Variants in SEMA4D observed in about 807,000 individuals in gnomAD.
SEMA4D encodes the protein semaphorin 4D, also known as semaphorin-4D.
In SEMA4D, 22 loss-of-function variants were observed where a neutral mutation model predicts 74.8. The observed-to-expected ratio is 0.29, with a 90% confidence interval of 0.21 to 0.42. The LOEUF (loss-of-function observed/expected upper bound fraction) is 0.42. Among genes scored for constraint, SEMA4D ranks in the 10% least tolerant of loss-of-function variants. The pLI is 1.00. For missense variants in SEMA4D, 937 were observed against 1,118.4 expected (o/e 0.84, Z 2.31); for synonymous variants, 445 against 463.7 (o/e 0.96, Z 0.52).
At chr9:89,380,214 G>A (rs953180761) in intron 15 of SEMA4D, among the ~76,000 whole-genome samples, 4 of 151,942 alleles carry the variant, frequency 2.6e-5, no homozygotes, top group East Asian at 1.9e-4. Flanking sequence ...TGTATTTTTT[G>A]TAGAGACAGG....
chr9:89,450,363 A>G, intron 2 of SEMA4D: 2 of 1,000,346 alleles, frequency 2.0e-6, no homozygotes, highest in Non-Finnish European at 3.2e-6. Flanking sequence ...CTTCAGTGAC[A>G]TGAAAAGGCG....
At chr9:89,411,508 G>A (rs1398939638) in intron 2 of SEMA4D, among the ~76,000 whole-genome samples, 2 of 152,230 alleles carry the variant, frequency 1.3e-5, no homozygotes, top group African/African-American at 4.8e-5. Flanking sequence ...TACCAAAATA[G>A]TGAAAATAGT....
chr9:89,442,733 C>T (rs1219807293), intron 2 of SEMA4D, among the ~76,000 whole-genome samples: 2 of 152,194 alleles, frequency 1.3e-5, no homozygotes, highest in Non-Finnish European at 2.9e-5. Context: ...GGGTTCATAA[C>T]TGCATCCGTC....
At chr9:89,399,381 G>C (rs746821525) in intron 4 of SEMA4D, 43 bp from the exon 5 acceptor site, 1 of 1,404,126 alleles carries the variant, frequency 7.1e-7, no homozygotes, top group Non-Finnish European at 1.0e-6. Context: ...CTTTTAAAGA[G>C]ATACTAGTAT....
At chr9:89,417,495 T>C (rs961771452) in intron 2 of SEMA4D, among the ~76,000 whole-genome samples, 7 of 152,214 alleles carry the variant, frequency 4.6e-5, no homozygotes, top group Admixed American at 3.9e-4. Context: ...TCATGATACT[T>C]GAGTAATATG....
intron 2 of SEMA4D, among the ~76,000 whole-genome samples, chr9:89,426,171 C>T (rs1423029810): frequency 2.0e-5 from 3 of 152,226 alleles, no homozygotes; most frequent in Non-Finnish European, 2.9e-5. Context: ...CAGACTCAGC[C>T]CAGCTGCAAA....
chr9:89,362,207 C>G, exon 19 of SEMA4D: 1 of 827,930 alleles, frequency 1.2e-6, no homozygotes, highest in East Asian at 2.5e-5. Context: ...CTGTCACAGG[C>G]CCACTTGGGT....
At chr9:89,413,586 C>T (rs867443880) in intron 2 of SEMA4D, among the ~76,000 whole-genome samples, 2 of 152,192 alleles carry the variant, frequency 1.3e-5, no homozygotes, top group East Asian at 1.9e-4. Context: ...GTGTTGTGTA[C>T]ATGTGTATGT....
At position 89,363,893 on chromosome 9, in the gene SEMA4D, AC is replaced by A. The variant is rs747324074; in HGVS notation, c.1939del (p.Val647SerfsTer48). On this transcript the variant is annotated frameshift_variant, in exon 17 of 19. Coordinates refer to the SEMA4D transcript ENST00000339861. LOFTEE classifies it high-confidence loss of function. ...GGGCAGTGCATGGGTCTGCACAGGGACACAGGTCTCCAGAGCTCGCCCATTC... is the reference window on the plus strand; with the variant it reads ...GGGCAGTGCATGGGTCTGCACAGGGAACAGGTCTCCAGAGCTCGCCCATTC... 1 of 1,614,090 alleles carries A rather than the reference AC, an allele frequency of 6.2e-7. No individual in the cohort carries two copies. Among genetic ancestry groups the A allele is most frequent in the East Asian group, 2.2e-5 (1 of 44,880 alleles).
intron 1 of SEMA4D, among the ~76,000 whole-genome samples, chr9:89,468,786 C>T (rs909016350): frequency 1.3e-5 from 2 of 152,076 alleles, no homozygotes; most frequent in African/African-American, 4.8e-5. Context: ...TGCTCGGGGG[C>T]AGCAATCTGA....
downstream of SEMA4D, among the ~76,000 whole-genome samples, chr9:89,375,748 T>C (rs1835701957): frequency 1.3e-5 from 2 of 152,236 alleles, no homozygotes; most frequent in African/African-American, 4.8e-5. Context: ...TGAAGTGTGG[T>C]TCTGGACATC....
intron 2 of SEMA4D, among the ~76,000 whole-genome samples, chr9:89,438,901 G>A (rs533362671): frequency 3.5e-5 from 5 of 140,910 alleles, no homozygotes; most frequent in African/African-American, 5.3e-5. Flanking sequence ...TCCTGACCTC[G>A]TGATCCACCC....
chr9:89,494,766 G>A (rs917653896), intron 1 of SEMA4D, among the ~76,000 whole-genome samples: 2 of 151,994 alleles, frequency 1.3e-5, no homozygotes, highest in Non-Finnish European at 2.9e-5. Flanking sequence ...AGACCATCTC[G>A]CCCCTTCTCA....
Position 89,416,638 on chromosome 9 carries a change from C to T in SEMA4D, c.-243-10939G>A, listed in dbSNP as rs190000747. 1.3e-3 allele frequency among the ~76,000 whole-genome samples: 191 copies of T among 152,238 alleles called. 1 individual carries two copies. Among genetic ancestry groups the T allele is most frequent in the African/African-American group, 4.5e-3 (185 of 41,536 alleles). On this transcript the variant is annotated intron_variant, in intron 2 of 15. Coordinates refer to ENST00000422704, the MANE Select transcript of SEMA4D (RefSeq NM_001371194.2). Reference sequence around the variant, plus strand: ...CCAGACACAAATGCACACACATGAACGTGGACAGACAGCCAACTGTTAACA... The same window carrying T: ...CCAGACACAAATGCACACACATGAATGTGGACAGACAGCCAACTGTTAACA...
At chr9:89,369,890 G>T (rs1335733295) in intron 16 of SEMA4D, among the ~76,000 whole-genome samples, 1 of 149,788 alleles carries the variant, frequency 6.7e-6, no homozygotes, top group Non-Finnish European at 1.5e-5. Context: ...GTGTATGGTT[G>T]TGTATGTGTG....
At position 89,403,008 on chromosome 9, in the gene SEMA4D, G is replaced by C; in HGVS notation, c.115C>G (p.Leu39Val). ...RITWEHREVH[L>V]VQFHEPDIYN... ...ATGTCTGGCTCATGAAACTGCACCAGGTGCACCTCTGTGGGATGCAAGGGC... is the reference window on the plus strand; with the variant it reads ...ATGTCTGGCTCATGAAACTGCACCACGTGCACCTCTGTGGGATGCAAGGGC... The change falls in exon 4 of 16, where the codon CTG (leucine) becomes GTG (valine). Residue 39 changes from leucine (L) to valine (V), a missense_variant. Transcript: ENST00000422704. 2 of 1,609,808 alleles carry C rather than the reference G, an allele frequency of 1.2e-6. No individual in the cohort carries two copies. The highest frequency in any genetic ancestry group is 1.7e-6 in the Non-Finnish European group (2 of 1,176,256).
At chr9:89,446,749 A>G (rs1221502848) in intron 2 of SEMA4D, among the ~76,000 whole-genome samples, 1 of 152,100 alleles carries the variant, frequency 6.6e-6, no homozygotes. Flanking sequence ...TGAGGCATGA[A>G]AGGGGGGTTA....
intron 2 of SEMA4D, among the ~76,000 whole-genome samples, chr9:89,409,372 A>C (rs1277857812): frequency 2.0e-5 from 3 of 152,172 alleles, no homozygotes; most frequent in African/African-American, 4.8e-5. Flanking sequence ...AGAATGTACA[A>C]CACCAACTGG....
intron 2 of SEMA4D, among the ~76,000 whole-genome samples, chr9:89,420,361 C>T (rs185373456): frequency 3.2e-4 from 48 of 152,330 alleles, no homozygotes; most frequent in African/African-American, 1.1e-3. Flanking sequence ...AATTACTCAT[C>T]ATGCTGTTTT....
Sources: gnomAD v4.1 joint callset for allele counts (sites outside exome capture counted in the v4.1 genomes callset) on GRCh38, gnomAD v4.1.1 for gene constraint, MANE v1.5 for transcripts, NCBI Gene and HGNC (gene_info 2026-07-23, HGNC 2026-07-21) for gene names.